KLF8: variants seen among roughly 807,000 people sequenced by gnomAD.
KLF8 encodes the protein KLF transcription factor 8, also known as Krueppel-like factor 8.
A neutral mutation model predicts 18.2 loss-of-function variants in KLF8; 10 were observed. The ratio of observed to expected loss-of-function variants is 0.55; its 90% confidence interval spans 0.34 to 0.93. The LOEUF (loss-of-function observed/expected upper bound fraction) is 0.93. KLF8 is among the 40% of genes least tolerant of loss of function. The probability of loss-of-function intolerance (pLI) is 0.02; values close to 1 mark genes in which losing one functional copy is unlikely to be tolerated. For missense variants in KLF8, 264 were observed against 277.9 expected (o/e 0.95, Z 0.36); for synonymous variants, 109 against 97.3 (o/e 1.12, Z -0.71).
At chrX:56,011,121 C>G in the KLF8 span, among the ~76,000 whole-genome samples, 1 of 112,100 alleles carries the variant, frequency 8.9e-6, no homozygotes, top group Non-Finnish European at 1.9e-5. Context: ...TCAAGTGGAC[C>G]TGATGGATAT....
chrX:56,040,199 A>T, the KLF8 span, among the ~76,000 whole-genome samples: 2 of 111,323 alleles, frequency 1.8e-5, no homozygotes, highest in Non-Finnish European at 3.8e-5. Context: ...CCTCTCTTCC[A>T]ATTTGTATAC....
At chrX:55,953,535 G>A in the KLF8 span, among the ~76,000 whole-genome samples, 1 of 110,322 alleles carries the variant, frequency 9.1e-6, no homozygotes, top group Non-Finnish European at 1.9e-5. Flanking sequence ...AAACAAACTT[G>A]TAAAGAATTT....
At chrX:56,198,008 T>C in the KLF8 span, among the ~76,000 whole-genome samples, 1 of 112,255 alleles carries the variant, frequency 8.9e-6, no homozygotes. Flanking sequence ...TCTCAATAGA[T>C]GCAGAAAAGG....
At chrX:56,176,663 G>A in the KLF8 span, among the ~76,000 whole-genome samples, 1 of 111,090 alleles carries the variant, frequency 9.0e-6, no homozygotes, top group Admixed American at 9.7e-5. Flanking sequence ...TTACTAGATT[G>A]GGGAAGTTCT....
the KLF8 span, among the ~76,000 whole-genome samples, chrX:56,196,804 G>A: frequency 9.0e-6 from 1 of 111,692 alleles, no homozygotes; most frequent in Non-Finnish European, 1.9e-5. Context: ...ATTCTTCTCA[G>A]CACCACATCT....
intron 1 of KLF8, among the ~76,000 whole-genome samples, chrX:56,235,303 G>A (rs930846535): frequency 9.3e-6 from 1 of 107,868 alleles, no homozygotes; most frequent in African/African-American, 3.4e-5. Flanking sequence ...TGATCATCTA[G>A]TATGATTACC....
chrX:55,920,709 C>G, the KLF8 span, among the ~76,000 whole-genome samples: 1 of 110,624 alleles, frequency 9.0e-6, no homozygotes, highest in African/African-American at 3.3e-5. Context: ...TTAACCCAGT[C>G]CATCAAAGAC....
At chrX:56,134,759 C>G in the KLF8 span, among the ~76,000 whole-genome samples, 1 of 109,265 alleles carries the variant, frequency 9.2e-6, no homozygotes, top group Non-Finnish European at 1.9e-5. Flanking sequence ...ATACATCTGA[C>G]AAGACTAATA....
chrX:56,026,662 C>T, the KLF8 span, among the ~76,000 whole-genome samples: 1 of 112,019 alleles, frequency 8.9e-6, no homozygotes, highest in African/African-American at 3.2e-5. Flanking sequence ...AATACCTTTG[C>T]TGTCTTCTGT....
the KLF8 span, among the ~76,000 whole-genome samples, chrX:56,027,606 G>C: frequency 1.8e-5 from 2 of 112,135 alleles, no homozygotes; most frequent in African/African-American, 6.5e-5. Context: ...CAATGGCTTG[G>C]CTTCAATAAC....
chrX:56,106,581 C>T, the KLF8 span, among the ~76,000 whole-genome samples: 1 of 111,858 alleles, frequency 8.9e-6, no homozygotes, highest in Non-Finnish European at 1.9e-5. Context: ...TAAGTTCTTC[C>T]CTGCACTGTT....
the KLF8 span, among the ~76,000 whole-genome samples, chrX:55,924,446 A>C: frequency 2.7e-5 from 3 of 110,884 alleles, no homozygotes; most frequent in African/African-American, 9.9e-5. Flanking sequence ...TATGACCATT[A>C]TGTATTTATT....
chrX:55,928,742 T>C, the KLF8 span, among the ~76,000 whole-genome samples: 3 of 112,541 alleles, frequency 2.7e-5, no homozygotes, highest in African/African-American at 9.7e-5. Flanking sequence ...GGTGTATATG[T>C]GCCACATTTG....
chrX:56,106,338 C>G, the KLF8 span, among the ~76,000 whole-genome samples: 1 of 112,144 alleles, frequency 8.9e-6, no homozygotes, highest in Non-Finnish European at 1.9e-5. Context: ...TTCTCCCCAT[C>G]ACTTTCAGGT....
chrX:55,950,693 T>G, the KLF8 span, among the ~76,000 whole-genome samples: 1 of 111,781 alleles, frequency 8.9e-6, no homozygotes, highest in Admixed American at 9.5e-5. Flanking sequence ...TCTCCAAACT[T>G]TTCTTCATGC....
At chrX:56,190,040 TAAAA>T in the KLF8 span, among the ~76,000 whole-genome samples, 3 of 109,079 alleles carry the variant, frequency 2.8e-5, no homozygotes, top group Admixed American at 3.0e-4. Context: ...ATTAAAAAAA[TAAAA>T]AAATAAAAAA....
chrX:56,198,207 T>C, the KLF8 span, among the ~76,000 whole-genome samples: 1 of 112,156 alleles, frequency 8.9e-6, no homozygotes, highest in South Asian at 3.7e-4. Flanking sequence ...TCAGCAGTCC[T>C]ATTCAACATA....
chrX:56,220,081 A>C, the KLF8 span, among the ~76,000 whole-genome samples: 1 of 112,443 alleles, frequency 8.9e-6, no homozygotes, highest in Non-Finnish European at 1.9e-5. Flanking sequence ...TGGAGATGTA[A>C]AAAATTAAAG....
chrX:55,978,668 A>C, the KLF8 span, among the ~76,000 whole-genome samples: 40 of 111,529 alleles, frequency 3.6e-4, no homozygotes, highest in Middle Eastern at 9.2e-3. Context: ...TTTAAAGGAA[A>C]CTTAGATGCA....
Sources: gnomAD v4.1 joint callset for allele counts (sites outside exome capture counted in the v4.1 genomes callset) on GRCh38, gnomAD v4.1.1 for gene constraint, MANE v1.5 for transcripts, NCBI Gene and HGNC (gene_info 2026-07-23, HGNC 2026-07-21) for gene names.